TRIM46: variants seen among roughly 807,000 people sequenced by gnomAD.
TRIM46 encodes tripartite motif-containing protein 46.
In TRIM46, 17 loss-of-function variants were observed where a neutral mutation model predicts 69.7. That is an observed-to-expected ratio of 0.24 (90% CI 0.17 to 0.37). TRIM46 has a LOEUF of 0.37. Among genes scored for constraint, TRIM46 ranks in the 10% least tolerant of loss-of-function variants. The pLI, the probability that TRIM46 is intolerant of heterozygous loss-of-function variation, is 1.00. For missense variants in TRIM46, 675 were observed against 1,025.1 expected, an observed-to-expected ratio of 0.66 and a Z score of 4.66; for synonymous variants, 391 against 429.0, an observed-to-expected ratio of 0.91 and a Z score of 1.09.
In TRIM46 at chr1:155,175,253, G is replaced by C; in HGVS notation, c.64-133G>C. ...AGGTCTGTGAACCAGCCCAAGGCAG[G>C]TGCTCTGGAAAAGCTGCAGGTAGCT... is the stretch of plus-strand genomic sequence containing the variant. On this transcript the variant is annotated intron_variant, in intron 1 of 9. Coordinates refer to ENST00000334634, the MANE Select transcript of TRIM46 (RefSeq NM_025058.5). The surrounding 1 kb of genome is among the most constrained non-coding windows in gnomAD (Gnocchi z 4.2). 6.5e-7 allele frequency: 1 copy of C among 1,533,616 alleles called. No individual in the cohort carries two copies. Among genetic ancestry groups the C allele is most frequent in the Middle Eastern group, 1.8e-4 (1 of 5,518 alleles).
At position 155,181,991 on chromosome 1, in the gene TRIM46, G is replaced by A; in HGVS notation, c.1728G>A (p.Leu576=). Reference sequence around the variant, plus strand: ...ACCGGCTGCTGACCGGCTGCCACCTGAGTGTGGATGTGGTCCTGGGCGACG... The same window carrying A: ...ACCGGCTGCTGACCGGCTGCCACCTAAGTGTGGATGTGGTCCTGGGCGACG... ...AADRLLTGCH[L]SVDVVLGDVA... is the part of the protein sequence containing the mutation. Residue 576 remains leucine (L), a synonymous_variant, in exon 9 of 10, where the codon CTG becomes CTA. Coordinates refer to ENST00000334634, the MANE Select transcript of TRIM46 (RefSeq NM_025058.5). This position sits in a 1 kb window ranked among gnomAD's most constrained non-coding sequence, Gnocchi z 4.3. 2 of 1,613,764 alleles carry A rather than the reference G, an allele frequency of 1.2e-6. No homozygotes were observed. Among genetic ancestry groups the A allele is most frequent in the Non-Finnish European group, 1.7e-6 (2 of 1,179,900 alleles).
chr1:155,182,565 A>G, intron 9 of TRIM46: 1 of 262,596 alleles, frequency 3.8e-6, no homozygotes, highest in South Asian at 9.9e-5. Context: ...CCTTAGCCGG[A>G]TGCGGTGGCT....
intron 6 of TRIM46, 25 bp downstream of exon 6, chr1:155,178,280 G>T (rs371133164): frequency 3.2e-6 from 5 of 1,577,708 alleles, no homozygotes; most frequent in African/African-American, 2.7e-5. Context: ...GGGCTCCTAG[G>T]GGGGCAGGGA....
Position 155,184,504 on chromosome 1 carries a change from T to G in TRIM46, c.*314T>G. 2 of 300,782 alleles carry G rather than the reference T, an allele frequency of 6.6e-6. No individual in the cohort carries two copies. Among genetic ancestry groups the G allele is most frequent in the Non-Finnish European group, 1.2e-5 (2 of 160,026 alleles). 18.6% of individuals were successfully genotyped at this position (300,782 alleles called of 1,614,324 possible). A position where few individuals can be genotyped will look rare whatever the true frequency, so the allele number is the denominator to read the frequency against. On this transcript the variant is annotated 3_prime_UTR_variant, in exon 10 of 10. Coordinates refer to ENST00000334634, the MANE Select transcript of TRIM46 (RefSeq NM_025058.5). This position sits in a 1 kb window ranked among gnomAD's most constrained non-coding sequence, Gnocchi z 5.6. ...GAGCCCCTTCTCCATCCCTGTCCTG[T>G]GCCCCCCAGGCTGATTGGGAGGGAG...
rs1666142474 is a variant in TRIM46, at chr1:155,181,114, C to A, written c.1589-738C>A. Among the ~76,000 whole-genome samples, 3 of 151,730 alleles carry A rather than the reference C, an allele frequency of 2.0e-5. No homozygotes were observed. ...AATTAGCTGGGTGTGGTTGCAGGCGCCTGTAATCCCAGCTACTTGGAAGGC... is the reference window on the plus strand; with the variant it reads ...AATTAGCTGGGTGTGGTTGCAGGCGACTGTAATCCCAGCTACTTGGAAGGC... On this transcript the variant is annotated intron_variant, in intron 8 of 9. Coordinates refer to ENST00000334634, the MANE Select transcript of TRIM46 (RefSeq NM_025058.5). This position sits in a 1 kb window ranked among gnomAD's most constrained non-coding sequence, Gnocchi z 4.3.
intron 7 of TRIM46, 100 bp from the exon 8 acceptor site, chr1:155,179,532 C>A (rs1338151342): frequency 1.3e-5 from 14 of 1,102,728 alleles, no homozygotes; most frequent in Non-Finnish European, 6.4e-6. Context: ...CCACACTCAC[C>A]CCCCCGGCTC....
At chr1:155,174,488 C>T in intron 1 of TRIM46, 1 of 1,427,602 alleles carries the variant, frequency 7.0e-7, no homozygotes, top group Non-Finnish European at 9.2e-7. Context: ...GGGCTGCTTC[C>T]GAGCCTGCGG....
At chr1:155,178,456 A>C in intron 6 of TRIM46, 36 bp from the exon 7 acceptor site, 1 of 1,612,462 alleles carries the variant, frequency 6.2e-7, no homozygotes, top group Non-Finnish European at 8.5e-7. Context: ...GACTGCCCAC[A>C]TGGCAGTGCC....
chr1:155,180,617 T>C (rs926058060), intron 8 of TRIM46: 1 of 164,972 alleles, frequency 6.1e-6, no homozygotes, highest in Non-Finnish European at 1.2e-5. Context: ...AATAAATAAA[T>C]AAATAAATAA....
Position 155,177,180 on chromosome 1 carries a change from T to C in TRIM46, c.814-15T>C. The C allele has an allele frequency of 6.2e-7, 1 of 1,614,176 alleles. No individual in the cohort carries two copies. The highest frequency in any genetic ancestry group is 8.5e-7 in the Non-Finnish European group (1 of 1,180,006). ...CAGAGCTGGGCTTGATGCCCACCTC[T>C]TTCTTCCCCCTCAGGACAAGCTGAC... On this transcript the variant is annotated splice_polypyrimidine_tract_variant and intron_variant, in intron 4 of 9. Coordinates refer to ENST00000334634, the MANE Select transcript of TRIM46 (RefSeq NM_025058.5).
At chr1:155,174,213 T>A (rs549923454) in intron 1 of TRIM46, among the ~76,000 whole-genome samples, 184 bp downstream of exon 1, 6 of 151,126 alleles carry the variant, frequency 4.0e-5, no homozygotes, top group South Asian at 2.1e-4. Flanking sequence ...AGCCCGGAGG[T>A]GAGTGCCGTG....
chr1:155,177,916 G>A lies in TRIM46; in HGVS notation c.910-86G>A, dbSNP rs1571740847. 8 of 1,530,212 alleles carry A rather than the reference G, an allele frequency of 5.2e-6. No individual in the cohort carries two copies. The East Asian group carries it at 1.6e-4, about 30-fold the overall frequency. The allele number at this position is 1,530,212 out of a possible 1,614,324, so 94.8% of individuals were successfully genotyped here. ...GATCCCTTGTGACCTTAGCCATGCTGTGGCATCCAAGGAGGCCAGCACAAG... is the reference window on the plus strand; with the variant it reads ...GATCCCTTGTGACCTTAGCCATGCTATGGCATCCAAGGAGGCCAGCACAAG... On this transcript the variant is annotated intron_variant, in intron 5 of 9. Coordinates refer to ENST00000334634, the MANE Select transcript of TRIM46 (RefSeq NM_025058.5).
chr1:155,182,078 C>T lies in TRIM46; in HGVS notation c.1815C>T (p.Val605=). ...CCGTAGACCCAGCCTCCTACTTGGT[C>T]AAGGTGGGCGTCGGGCTGGAGAGCA... ...ACAVDPASYL[V]KVGVGLESKL... Residue 605 remains valine (V), a synonymous_variant, in exon 9 of 10, where the codon GTC becomes GTT. Coordinates refer to ENST00000334634, the MANE Select transcript of TRIM46 (RefSeq NM_025058.5). The T allele has an allele frequency of 1.2e-6, 2 of 1,614,176 alleles. No homozygotes were observed. The highest frequency in any genetic ancestry group is 1.7e-6 in the Non-Finnish European group (2 of 1,180,028).
intron 9 of TRIM46, among the ~76,000 whole-genome samples, chr1:155,183,220 A>G (rs976868429): frequency 2.6e-5 from 4 of 151,884 alleles, no homozygotes; most frequent in Non-Finnish European, 4.4e-5. Context: ...CCAACTCCCT[A>G]TTTAACACCC....
Position 155,178,476 on chromosome 1 carries a change from C to A in TRIM46, c.1164-16C>A. ...CCCACATGGCAGTGCCTGACCCTTTCTTGCCCCCATCCCAGGATTGCCCGA... is the reference window on the plus strand; with the variant it reads ...CCCACATGGCAGTGCCTGACCCTTTATTGCCCCCATCCCAGGATTGCCCGA... On this transcript the variant is annotated splice_polypyrimidine_tract_variant and intron_variant, in intron 6 of 9. Transcript: ENST00000334634. 1 of 1,613,542 alleles carries A rather than the reference C, an allele frequency of 6.2e-7. No homozygotes were observed. Among genetic ancestry groups the A allele is most frequent in the Non-Finnish European group, 8.5e-7 (1 of 1,180,006 alleles).
intron 7 of TRIM46, chr1:155,178,916 G>A (rs1261914923): frequency 6.9e-6 from 8 of 1,151,472 alleles, no homozygotes; most frequent in African/African-American, 1.6e-5. Context: ...CTGCTCCCAC[G>A]CATCTCAGCC....
chr1:155,182,189 G>A (rs370679977), intron 9 of TRIM46, 40 bp downstream of exon 9: 20 of 1,596,404 alleles, frequency 1.3e-5, no homozygotes, highest in Non-Finnish European at 1.5e-5. Context: ...GGGGGTCCTG[G>A]TGGGAGTGAG....
At chr1:155,174,099 C>G (rs1385190073) in intron 1 of TRIM46, 70 bp downstream of exon 1, 18 of 1,499,392 alleles carry the variant, frequency 1.2e-5, no homozygotes, top group Non-Finnish European at 1.5e-5. Flanking sequence ...GGACCTGGAA[C>G]AGGTGGGGAT....
intron 3 of TRIM46, 35 bp from the exon 4 acceptor site, chr1:155,176,896 AT>A: frequency 6.2e-7 from 1 of 1,605,058 alleles, no homozygotes. Flanking sequence ...TACCCACACC[AT>A]TGTCTGACCA....
Sources: allele counts gnomAD v4.1 joint callset (sites outside exome capture counted in the v4.1 genomes callset), GRCh38; gene constraint gnomAD v4.1.1; non-coding constraint Gnocchi (gnomAD v3.1); transcripts MANE v1.5; gene names NCBI Gene and HGNC (gene_info 2026-07-23, HGNC 2026-07-21).